The following CAMKK2 variants were observed in gnomAD, a reference collection of about 807,000 sequenced individuals.
CAMKK2 encodes calcium/calmodulin dependent protein kinase kinase 2, also known as calcium/calmodulin-dependent protein kinase kinase 2.
A neutral mutation model predicts 67.2 loss-of-function variants in CAMKK2; 30 were observed. The ratio of observed to expected loss-of-function variants is 0.45; its 90% CI spans 0.33 to 0.61. CAMKK2 has a LOEUF of 0.61. CAMKK2 is among the 20% of genes least tolerant of loss of function. The pLI is 0.02. For synonymous variants in CAMKK2, 322 were observed against 326.2 expected, an observed-to-expected ratio of 0.99 and a Z score of 0.14; for missense variants, 643 against 802.0, an observed-to-expected ratio of 0.80 and a Z score of 2.39.
intron 11 of CAMKK2, among the ~76,000 whole-genome samples, chr12:121,251,034 G>C (rs916209110): frequency 6.6e-6 from 1 of 152,220 alleles, no homozygotes; most frequent in Non-Finnish European, 1.5e-5. Context: ...CCTGACTCAA[G>C]AGCAGCTTGG....
At chr12:121,275,693 C>T (rs1896662880) in intron 1 of CAMKK2, among the ~76,000 whole-genome samples, 1 of 151,488 alleles carries the variant, frequency 6.6e-6, no homozygotes, top group Non-Finnish European at 1.5e-5. Context: ...GGGGTGGTGA[C>T]ATTAGTGGGT....
At chr12:121,269,424 A>G in intron 4 of CAMKK2, 104 bp downstream of exon 4, 2 of 876,904 alleles carry the variant, frequency 2.3e-6, no homozygotes, top group Non-Finnish European at 3.7e-6. Context: ...ACCTAAGAAT[A>G]AAATGAGACA....
intron 2 of CAMKK2, among the ~76,000 whole-genome samples, chr12:121,272,776 GGGA>G (rs1176917627): frequency 2.0e-5 from 3 of 151,944 alleles, no homozygotes; most frequent in Admixed American, 6.6e-5. Context: ...CATGAGCTGA[GGGA>G]GGAGAATAGC....
At chr12:121,257,306 G>A (rs1387273365) in intron 7 of CAMKK2, among the ~76,000 whole-genome samples, 4 of 151,666 alleles carry the variant, frequency 2.6e-5, no homozygotes, top group Non-Finnish European at 4.4e-5. Context: ...GAGTGCAGTG[G>A]CACGATCTTG....
At position 121,245,309 on chromosome 12, in the gene CAMKK2, C is replaced by A; in HGVS notation, c.1453-69G>T. 3.3e-6 allele frequency: 3 copies of A among 920,628 alleles called. No individual in the cohort carries two copies. Among genetic ancestry groups the A allele is most frequent in the Non-Finnish European group, 5.2e-6 (3 of 572,906 alleles). The allele number at this position is 920,628 out of a possible 1,614,324, so 57.0% of individuals were successfully genotyped here. ...ATGTGGGGGCGATTCTGGGCAACAT[C>A]CTCCCTCTTCCTTCTCCCCAGCCCC... is the stretch of plus-strand genomic sequence containing the variant. On this transcript the variant is annotated intron_variant, in intron 14 of 16. Transcript: ENST00000404169. The surrounding 1 kb of genome is among the most constrained non-coding windows in gnomAD (Gnocchi z 5.8).
rs1018258813 is a variant in CAMKK2, at chr12:121,245,808, G to A, written c.1453-568C>T. 1.3e-5 allele frequency among the ~76,000 whole-genome samples: 2 copies of A among 152,170 alleles called. No homozygotes were observed. Among genetic ancestry groups the A allele is most frequent in the African/African-American group, 4.8e-5 (2 of 41,442 alleles). ...CTTTTTAAGCATTTGCTGCTAACAA[G>A]AAAAATAAGTGTTTAAGAAACACTG... On this transcript the variant is annotated intron_variant, in intron 14 of 16. Coordinates refer to ENST00000404169, the MANE Select transcript of CAMKK2 (RefSeq NM_001270485.2). The surrounding 1 kb of genome is among the most constrained non-coding windows in gnomAD (Gnocchi z 5.8).
chr12:121,243,781 A>G (rs932563959), intron 16 of CAMKK2: 1 of 901,230 alleles, frequency 1.1e-6, no homozygotes, highest in Admixed American at 4.4e-5. Context: ...TGAATCATAC[A>G]CTTCCCGTGG....
intron 2 of CAMKK2, among the ~76,000 whole-genome samples, chr12:121,271,430 CA>C (rs1895756108): frequency 1.3e-5 from 2 of 152,148 alleles, no homozygotes; most frequent in African/African-American, 4.8e-5. Flanking sequence ...TGACTTCTAA[CA>C]ACGCTGATTT....
At chr12:121,258,309 C>T (rs531777706) in intron 7 of CAMKK2, among the ~76,000 whole-genome samples, 1 of 152,252 alleles carries the variant, frequency 6.6e-6, no homozygotes, top group East Asian at 1.9e-4. Context: ...CAGGCATGAG[C>T]CACCACACCC....
chr12:121,283,255 C>T (rs1898135285), intron 1 of CAMKK2, among the ~76,000 whole-genome samples: 1 of 152,220 alleles, frequency 6.6e-6, no homozygotes, highest in Non-Finnish European at 1.5e-5. Flanking sequence ...TGGAATATTT[C>T]AGACCCAGGG....
intron 16 of CAMKK2, among the ~76,000 whole-genome samples, chr12:121,242,889 C>T (rs1310262544): frequency 4.0e-5 from 6 of 151,408 alleles, no homozygotes; most frequent in African/African-American, 9.7e-5. Flanking sequence ...ACTACAGGCG[C>T]CCGCCACCGC....
In CAMKK2 at chr12:121,274,451, T is replaced by TGCTGCC; in HGVS notation, c.70_75dup (p.Gly24_Ser25dup). On this transcript the variant is annotated inframe_insertion, in exon 2 of 17. Transcript: ENST00000404169. The stretch of plus-strand genomic sequence containing the variant: ...CAGGGCTTCTGGCTTTCGCTGCTGC[T>TGCTGCC]GCTGCCCCTGCCCCCCAGCTCATCC... The TGCTGCC allele has an allele frequency of 1.9e-6, 3 of 1,613,074 alleles. No individual in the cohort carries two copies. Among genetic ancestry groups the TGCTGCC allele is most frequent in the Non-Finnish European group, 2.5e-6 (3 of 1,179,962 alleles).
intron 1 of CAMKK2, among the ~76,000 whole-genome samples, chr12:121,294,790 TTAAA>T (rs1359518507): frequency 6.6e-6 from 1 of 152,220 alleles, no homozygotes; most frequent in Non-Finnish European, 1.5e-5. Context: ...TTGGTAGGCA[TTAAA>T]TGAGATAATG....
In CAMKK2 at chr12:121,250,030, G is replaced by C; in HGVS notation, c.1166C>G (p.Pro389Arg). The C allele has an allele frequency of 6.2e-7, 1 of 1,612,126 alleles. No individual in the cohort carries two copies. Among genetic ancestry groups the C allele is most frequent in the Non-Finnish European group, 8.5e-7 (1 of 1,179,048 alleles). Residue 389 changes from proline (P) to arginine (R), a missense_variant, in exon 12 of 17, where the codon CCA (proline) becomes CGA (arginine). Physicochemically the swap from Pro to Arg is moderately radical, Grantham distance 103. Transcript: ENST00000404169. Reference sequence around the variant, plus strand: ...ACACATGATCCGCTCGTCCATGAATGGGCACTGCAAAGAGGCCAGGGACAG... The same window carrying C: ...ACACATGATCCGCTCGTCCATGAATCGGCACTGCAAAGAGGCCAGGGACAG... ...TLYCFVFGQC[P>R]FMDERIMCLH...
At chr12:121,297,779 C>T (rs1192613663), upstream of CAMKK2, 1 of 477,734 alleles carries the variant, frequency 2.1e-6, no homozygotes, top group South Asian at 1.5e-5. Context: ...CCAGCCCGTT[C>T]CGATGTGCTT....
chr12:121,252,989 G>C (rs1343628994), intron 10 of CAMKK2, among the ~76,000 whole-genome samples: 1 of 152,228 alleles, frequency 6.6e-6, no homozygotes, highest in African/African-American at 2.4e-5. Flanking sequence ...TATTCAGAAT[G>C]AGGAATGCTC....
At chr12:121,279,023 G>A (rs1897280331) in intron 1 of CAMKK2, among the ~76,000 whole-genome samples, 1 of 152,220 alleles carries the variant, frequency 6.6e-6, no homozygotes, top group African/African-American at 2.4e-5. Flanking sequence ...AGGCTGAGCA[G>A]TGCCTGGGAA....
At chr12:121,251,001 C>T (rs896179597) in intron 11 of CAMKK2, among the ~76,000 whole-genome samples, 3 of 152,156 alleles carry the variant, frequency 2.0e-5, no homozygotes, top group African/African-American at 7.2e-5. Flanking sequence ...GGTGACAAAT[C>T]GATGCTTTCA....
intron 1 of CAMKK2, among the ~76,000 whole-genome samples, chr12:121,294,563 C>T (rs532060965): frequency 6.6e-6 from 1 of 152,362 alleles, no homozygotes; most frequent in East Asian, 1.9e-4. Context: ...CCTCAAGAAG[C>T]TCAGGGCAGC....
Sources: gnomAD v4.1 joint callset for allele counts (sites outside exome capture counted in the v4.1 genomes callset) on GRCh38, gnomAD v4.1.1 for gene constraint, Gnocchi (gnomAD v3.1) non-coding constraint, MANE v1.5 for transcripts, NCBI Gene and HGNC (gene_info 2026-07-23, HGNC 2026-07-21) for gene names.